The following RFWD3 variants were observed in gnomAD, a reference collection of about 807,000 sequenced individuals.
RFWD3 encodes the protein E3 ubiquitin-protein ligase RFWD3.
In RFWD3, 65 loss-of-function variants were observed where a neutral mutation model predicts 87.7. The observed-to-expected ratio is 0.74, with a 90% CI of 0.61 to 0.91. The LOEUF is 0.91. Among genes scored for constraint, RFWD3 ranks in the 40% least tolerant of loss-of-function variants. RFWD3 has a pLI of 0.00. For missense variants in RFWD3, 1,078 were observed against 938.5 expected (o/e 1.15, Z -1.94); for synonymous variants, 433 against 352.8 (o/e 1.23, Z -2.55).
chr16:74,634,063 T>C (rs1057281080), intron 8 of RFWD3, among the ~76,000 whole-genome samples: 1 of 152,132 alleles, frequency 6.6e-6, no homozygotes, highest in Non-Finnish European at 1.5e-5. Flanking sequence ...AGTCATCAAA[T>C]TGTATACTTT....
chr16:74,639,872 C>CT (rs1959480284), intron 6 of RFWD3, among the ~76,000 whole-genome samples: 1 of 152,106 alleles, frequency 6.6e-6, no homozygotes, highest in African/African-American at 2.4e-5. Flanking sequence ...TTTCTGATAT[C>CT]TGTGATCAAC....
At chr16:74,650,598 G>C (rs1960484859) in intron 3 of RFWD3, among the ~76,000 whole-genome samples, 1 of 152,008 alleles carries the variant, frequency 6.6e-6, no homozygotes, top group Non-Finnish European at 1.5e-5. Flanking sequence ...TCTTTGCCTA[G>C]ATATATAATT....
intron 2 of RFWD3, among the ~76,000 whole-genome samples, chr16:74,653,676 A>G (rs1053038327): frequency 1.3e-5 from 2 of 152,142 alleles, no homozygotes; most frequent in African/African-American, 4.8e-5. Context: ...ACAAAAGGGC[A>G]ACTAAGTATT....
intron 4 of RFWD3, among the ~76,000 whole-genome samples, chr16:74,647,085 C>CA (rs1216676149): frequency 0.046 from 5,687 of 124,796 alleles, 334 homozygotes; most frequent in African/African-American, 0.15. Context: ...ACACTCGTCT[C>CA]AAAAAAAAAA....
In RFWD3 at chr16:74,636,340, CTT is replaced by C. The variant is rs764648343; in HGVS notation, c.1426+4_1426+5del. On this transcript the variant is annotated splice_donor_5th_base_variant and intron_variant, in intron 8 of 12. Transcript: ENST00000361070. ...AACATGAAAGCTGAGGTTCTAGACT[CTT>C]TACCTGGAAGAAAAGAGGCCTGAGG... The C allele has an allele frequency of 4.3e-6, 7 of 1,612,636 alleles. No homozygotes were observed. The highest frequency in any genetic ancestry group is 4.0e-5 in the African/African-American group (3 of 74,914).
chr16:74,653,112 G>C (rs1960691347), intron 2 of RFWD3, among the ~76,000 whole-genome samples: 2 of 152,318 alleles, frequency 1.3e-5, no homozygotes, highest in South Asian at 4.1e-4. Flanking sequence ...GCCAAGGTGG[G>C]TAAACTGCTT....
chr16:74,663,894 C>T (rs916474182), intron 1 of RFWD3, among the ~76,000 whole-genome samples: 3 of 152,146 alleles, frequency 2.0e-5, no homozygotes, highest in Non-Finnish European at 1.5e-5. Flanking sequence ...AAAGATGGCG[C>T]TAAAAGAGAA....
chr16:74,646,969 T>A (rs1567579182), intron 4 of RFWD3, among the ~76,000 whole-genome samples: 2 of 151,790 alleles, frequency 1.3e-5, no homozygotes, highest in African/African-American at 2.4e-5. Flanking sequence ...GCGCCTGTAG[T>A]CCCAGCTACC....
chr16:74,624,748 C>T (rs750040144), intron 12 of RFWD3, among the ~76,000 whole-genome samples: 6 of 152,180 alleles, frequency 3.9e-5, no homozygotes, highest in Non-Finnish European at 8.8e-5. Flanking sequence ...GTAATTCCAA[C>T]ACTTTGGGAG....
At chr16:74,638,125 G>A (rs62053564) in intron 6 of RFWD3, among the ~76,000 whole-genome samples, 155 bp from the exon 7 acceptor site, 1,922 of 152,230 alleles carry the variant, frequency 0.013, 15 homozygotes, top group Admixed American at 0.02. Flanking sequence ...AATCTCTCCA[G>A]AAACAGGTTT....
chr16:74,658,419 T>C (rs1961167465), intron 2 of RFWD3, among the ~76,000 whole-genome samples: 1 of 152,240 alleles, frequency 6.6e-6, no homozygotes. Context: ...AGCTTTGGCT[T>C]CTTGGCTGAC....
chr16:74,661,127 C>A lies in RFWD3; in HGVS notation c.323G>T (p.Gly108Val), dbSNP rs756678157. ...CGAAGATGCTGGGATGGTGTGATTA[C>A]CATCAGATCCCTGCCTATGTTGTTC... is the stretch of plus-strand genomic sequence containing the variant. The part of the protein sequence containing the change: ...TSEQHRQGSD[G>V]NHTIPASSLH... Residue 108 changes from glycine to valine, a missense_variant, in exon 2 of 13, where the codon GGT (glycine) becomes GTT (valine). Gly to Val is a moderately radical substitution (Grantham distance 109). Transcript: ENST00000361070. 24 of 1,614,054 alleles carry A rather than the reference C, an allele frequency of 1.5e-5. No individual in the cohort carries two copies. The highest frequency in any genetic ancestry group is 2.0e-5 in the Non-Finnish European group (24 of 1,180,046).
At chr16:74,657,649 T>C (rs1961102989) in intron 2 of RFWD3, among the ~76,000 whole-genome samples, 1 of 152,094 alleles carries the variant, frequency 6.6e-6, no homozygotes, top group African/African-American at 2.4e-5. Flanking sequence ...CTAATTTTTG[T>C]ATTTTTAGTA....
chr16:74,630,757 G>A (rs1020723082), intron 10 of RFWD3, 24 bp downstream of exon 10: 3 of 1,565,396 alleles, frequency 1.9e-6, no homozygotes, highest in African/African-American at 1.4e-5. Flanking sequence ...GCTACCACCA[G>A]GAAAAGAGTG....
chr16:74,637,007 C>G (rs1004145524), intron 7 of RFWD3, among the ~76,000 whole-genome samples: 3 of 151,640 alleles, frequency 2.0e-5, no homozygotes, highest in African/African-American at 7.3e-5. Context: ...GCCACCGCGC[C>G]CGGCCAGAAC....
At chr16:74,666,082 G>A (rs78397050) in intron 1 of RFWD3, among the ~76,000 whole-genome samples, 8,951 of 152,072 alleles carry the variant, frequency 0.059, 332 homozygotes, top group East Asian at 0.11. Flanking sequence ...AGGAGGGAGA[G>A]GGAGACGGGA....
chr16:74,637,141 A>AC (rs1199246421), intron 7 of RFWD3, among the ~76,000 whole-genome samples: 1 of 150,434 alleles, frequency 6.6e-6, no homozygotes, highest in African/African-American at 2.4e-5. Flanking sequence ...AAAAAAAAAA[A>AC]AAAACAACTT....
At position 74,644,735 on chromosome 16, in the gene RFWD3, G is replaced by A. The variant is rs149839134; in HGVS notation, c.793C>T (p.Pro265Ser). 2.5e-6 allele frequency: 4 copies of A among 1,606,392 alleles called. No individual in the cohort carries two copies. Among genetic ancestry groups the A allele is most frequent in the Admixed American group, 1.7e-5 (1 of 59,326 alleles). Residue 265 changes from proline to serine, a missense_variant and splice_region_variant, in exon 5 of 13, where the codon CCA becomes TCA. Coordinates refer to ENST00000361070, the MANE Select transcript of RFWD3 (RefSeq NM_018124.4). ...AGAGGCTCAGACTTCTGGGGAGATG[G>A]CTAGATGGAAAGCAGAATATATTCA... ...IDGGKTLPKQ[P>S]SPQKSEPLLP...
At chr16:74,631,039 AT>A in intron 9 of RFWD3, 82 bp from the exon 10 acceptor site, 2 of 1,280,316 alleles carry the variant, frequency 1.6e-6, no homozygotes, top group Non-Finnish European at 2.2e-6. Flanking sequence ...CATTTAAATG[AT>A]CATTAATCCT....
Sources: gnomAD v4.1 joint callset for allele counts (sites outside exome capture counted in the v4.1 genomes callset) on GRCh38, gnomAD v4.1.1 for gene constraint, MANE v1.5 for transcripts, NCBI Gene and HGNC (gene_info 2026-07-23, HGNC 2026-07-21) for gene names.